NUDCD3: variants seen among roughly 807,000 people sequenced by gnomAD.
NUDCD3 encodes NudC domain containing 3.
NUDCD3 carries 13 observed loss-of-function variants against 39.7 expected under a neutral mutation model. The ratio of observed to expected loss-of-function variants is 0.33; its 90% CI spans 0.21 to 0.52. The LOEUF (loss-of-function observed/expected upper bound fraction) is 0.52, where lower values mean the gene tolerates loss of function less well. Among genes scored for constraint, NUDCD3 ranks in the 20% least tolerant of loss-of-function variants. The pLI is 0.96. For synonymous variants in NUDCD3, 175 were observed against 172.4 expected (o/e 1.02, Z -0.12); for missense variants, 453 against 458.1 (o/e 0.99, Z 0.10).
In NUDCD3 at chr7:44,404,456, G is replaced by A; in HGVS notation, c.770C>T (p.Pro257Leu). The change falls in exon 4 of 6, where the codon CCC (proline) becomes CTC (leucine). Residue 257 changes from proline to leucine, a missense_variant. Transcript: ENST00000355451. ...CAAACTTACCAAAACGCACTTCCCG[G>A]GCTCGAGACTCCAGAGAGAACTCTC... ...NTESSLWSLE[P>L]GKCVLVNLSK... 2 of 1,614,070 alleles carry A rather than the reference G, an allele frequency of 1.2e-6. No individual in the cohort carries two copies. Among genetic ancestry groups the A allele is most frequent in the Non-Finnish European group, 8.5e-7 (1 of 1,179,950 alleles).
intron 2 of NUDCD3, among the ~76,000 whole-genome samples, chr7:44,446,153 G>A (rs542762745): frequency 1.3e-5 from 2 of 152,320 alleles, no homozygotes; most frequent in East Asian, 3.9e-4. Context: ...AGCCAAGCCT[G>A]TGACCTCTGG....
At chr7:44,466,103 C>CCAG (rs1382523405) in intron 2 of NUDCD3, among the ~76,000 whole-genome samples, 1 of 152,154 alleles carries the variant, frequency 6.6e-6, no homozygotes, top group Non-Finnish European at 1.5e-5. Flanking sequence ...CTGCCAGGAG[C>CCAG]CAGCACTGCA....
chr7:44,478,967 A>G (rs1212933084), intron 2 of NUDCD3, among the ~76,000 whole-genome samples: 1 of 152,216 alleles, frequency 6.6e-6, no homozygotes, highest in African/African-American at 2.4e-5. Flanking sequence ...GCAGTTCAGC[A>G]TGGCTGGGGA....
At chr7:44,475,112 CTTTT>C (rs369792184) in intron 2 of NUDCD3, among the ~76,000 whole-genome samples, 1 of 139,616 alleles carries the variant, frequency 7.2e-6, no homozygotes. Context: ...AAATTCATTT[CTTTT>C]TTTTTTTTTT....
intron 2 of NUDCD3, among the ~76,000 whole-genome samples, chr7:44,470,164 G>T (rs1323564168): frequency 6.6e-6 from 1 of 152,210 alleles, no homozygotes; most frequent in Admixed American, 6.5e-5. Flanking sequence ...AAAATTCAAA[G>T]ATTTTTTTAA....
At chr7:44,391,505 G>T (rs569115104) in intron 5 of NUDCD3, among the ~76,000 whole-genome samples, 1 of 152,126 alleles carries the variant, frequency 6.6e-6, no homozygotes, top group African/African-American at 2.4e-5. Flanking sequence ...ATCGATCAGC[G>T]ATCTTCAGGG....
intron 4 of NUDCD3, among the ~76,000 whole-genome samples, chr7:44,402,231 T>A (rs1227880005): frequency 1.3e-5 from 2 of 152,218 alleles, no homozygotes; most frequent in African/African-American, 4.8e-5. Context: ...TTGCAGAGAA[T>A]TAAACAGATT....
At chr7:44,436,158 T>C (rs921633758) in intron 2 of NUDCD3, among the ~76,000 whole-genome samples, 1 of 152,314 alleles carries the variant, frequency 6.6e-6, no homozygotes, top group Non-Finnish European at 1.5e-5. Flanking sequence ...AGACTGGGTA[T>C]TAGATGATTT....
chr7:44,459,990 T>C (rs1200947139), intron 2 of NUDCD3, among the ~76,000 whole-genome samples: 2 of 152,140 alleles, frequency 1.3e-5, no homozygotes, highest in African/African-American at 4.8e-5. Flanking sequence ...TTTAAAGAAA[T>C]CAAACAATAT....
At chr7:44,489,481 T>C (rs528647606) in intron 1 of NUDCD3, among the ~76,000 whole-genome samples, 1 of 152,222 alleles carries the variant, frequency 6.6e-6, no homozygotes, top group Non-Finnish European at 1.5e-5. Context: ...TCTGAAGCAT[T>C]TTATAAACTG....
At chr7:44,483,719 G>A (rs976375291) in intron 2 of NUDCD3, among the ~76,000 whole-genome samples, 1 of 151,896 alleles carries the variant, frequency 6.6e-6, no homozygotes, top group African/African-American at 2.4e-5. Flanking sequence ...TATTTTATAA[G>A]CCATTCCAAG....
In NUDCD3 at chr7:44,382,812, A is replaced by T. The variant is rs1383096259; in HGVS notation, c.*3199T>A. The T allele has an allele frequency of 6.6e-6, 1 of 152,370 alleles. No individual in the cohort carries two copies. Among genetic ancestry groups the T allele is most frequent in the African/African-American group, 2.4e-5 (1 of 41,420 alleles). 9.4% of individuals were successfully genotyped at this position (152,370 alleles called of 1,614,324 possible). On this transcript the variant is annotated 3_prime_UTR_variant, in exon 6 of 6. Coordinates refer to ENST00000355451, the MANE Select transcript of NUDCD3 (RefSeq NM_015332.4). ...GAGGTGGGGGTGAGGTCTGTTCCCC[A>T]AGCGCAGTGTTCTGGGCAGTGAGTT...
rs903265768 is a variant in NUDCD3 at position 44,384,799 on chromosome 7, T to C, written c.*1212A>G. ...GGCAGCTGAACCATACTCCCGGCGA[T>C]GGGCACCCAGAGCCCCTGTGAGTAC... is the stretch of plus-strand genomic sequence containing the variant. On this transcript the variant is annotated 3_prime_UTR_variant, in exon 6 of 6. Coordinates refer to ENST00000355451, the MANE Select transcript of NUDCD3 (RefSeq NM_015332.4). The C allele has an allele frequency of 4.6e-5, 7 of 152,378 alleles. No homozygotes were observed. Among genetic ancestry groups the C allele is most frequent in the African/African-American group, 1.4e-4 (6 of 41,578 alleles). The allele number at this position is 152,378 out of a possible 1,614,324, so 9.4% of individuals were successfully genotyped here. A position where few individuals can be genotyped will look rare whatever the true frequency, so the allele number is the denominator to read the frequency against.
At chr7:44,469,634 G>A (rs1800210723) in intron 2 of NUDCD3, among the ~76,000 whole-genome samples, 1 of 152,146 alleles carries the variant, frequency 6.6e-6, no homozygotes, top group African/African-American at 2.4e-5. Context: ...TGGAAGAAAT[G>A]TGCAGCCATC....
At chr7:44,468,339 GT>G in intron 2 of NUDCD3, 3 of 377,582 alleles carry the variant, frequency 7.9e-6, no homozygotes, top group Non-Finnish European at 1.3e-5. Flanking sequence ...TTAAATAAAT[GT>G]AAAAACTGCA....
At chr7:44,480,768 C>G (rs1286931438) in intron 2 of NUDCD3, among the ~76,000 whole-genome samples, 1 of 151,480 alleles carries the variant, frequency 6.6e-6, no homozygotes, top group African/African-American at 2.4e-5. Flanking sequence ...ATGGTAAGAC[C>G]CTATCTCTAC....
rs1440440868 is a variant in NUDCD3 at position 44,469,203 on chromosome 7, A to G, written c.509+15765T>C. Among the ~76,000 whole-genome samples, 5 of 149,594 alleles carry G rather than the reference A, an allele frequency of 3.3e-5. No homozygotes were observed. In the East Asian group the frequency reaches 9.8e-4, roughly 29 times the overall value. On this transcript the variant is annotated intron_variant, in intron 2 of 5. Coordinates refer to ENST00000355451, the MANE Select transcript of NUDCD3 (RefSeq NM_015332.4). ...AAGACCCCTTACCTGTTTCAACCCT[A>G]TGAGGAAGTGACTTTGAAACGACCC...
intron 2 of NUDCD3, among the ~76,000 whole-genome samples, chr7:44,480,579 G>A (rs866491673): frequency 6.6e-6 from 1 of 152,006 alleles, no homozygotes; most frequent in African/African-American, 2.4e-5. Flanking sequence ...GCTATCCATG[G>A]GTTCCATAGC....
chr7:44,435,494 A>T (rs1799447735), intron 2 of NUDCD3, among the ~76,000 whole-genome samples: 1 of 152,264 alleles, frequency 6.6e-6, no homozygotes. Context: ...ATGAGTTCAT[A>T]AAACGAAATC....
Sources: allele counts gnomAD v4.1 joint callset (sites outside exome capture counted in the v4.1 genomes callset), GRCh38; gene constraint gnomAD v4.1.1; transcripts MANE v1.5; gene names NCBI Gene and HGNC (gene_info 2026-07-23, HGNC 2026-07-21).